Variants in LMAN1L observed in about 807,000 individuals in gnomAD.
The protein encoded by LMAN1L is protein ERGIC-53-like.
LMAN1L carries 60 observed loss-of-function variants against 58.3 expected under a neutral mutation model. The ratio of observed to expected loss-of-function variants is 1.03; its 90% CI spans 0.84 to 1.27. LMAN1L has a LOEUF of 1.27. LMAN1L is among the 50% of genes most tolerant of loss of function. The probability of loss-of-function intolerance (pLI) is 0.00; values close to 1 mark genes in which losing one functional copy is unlikely to be tolerated. For synonymous variants in LMAN1L, 280 were observed against 271.6 expected (o/e 1.03, Z -0.31); for missense variants, 629 against 674.0 (o/e 0.93, Z 0.74).
intron 10 of LMAN1L, 122 bp from the exon 11 acceptor site, chr15:74,822,520 G>A (rs2063921659): frequency 1.4e-6 from 1 of 713,296 alleles, no homozygotes; most frequent in Non-Finnish European, 2.4e-6. Context: ...GTCCAAATAA[G>A]GAGGCCCTGG....
chr15:74,821,279 C>T (rs1276319302), intron 9 of LMAN1L, 53 bp downstream of exon 9: 9 of 1,534,622 alleles, frequency 5.9e-6, no homozygotes, highest in Middle Eastern at 2.3e-4. Context: ...GAAAGAGGAG[C>T]AAGCACTGTA....
intron 4 of LMAN1L, 146 bp downstream of exon 4, chr15:74,816,836 C>A: frequency 1.4e-6 from 1 of 738,040 alleles, no homozygotes; most frequent in Non-Finnish European, 2.2e-6. Flanking sequence ...CTCACTTAGC[C>A]GACGTCCGCC....
At chr15:74,815,723 C>T (rs2063887434) in intron 1 of LMAN1L, among the ~76,000 whole-genome samples, 1 of 152,202 alleles carries the variant, frequency 6.6e-6, no homozygotes, top group South Asian at 2.1e-4. Flanking sequence ...CAGGCACTTC[C>T]TTTTTTGTCA....
chr15:74,819,835 G>A, intron 6 of LMAN1L: 1 of 620,082 alleles, frequency 1.6e-6, no homozygotes, highest in Non-Finnish European at 2.9e-6. Context: ...GCCTGCCTCT[G>A]ACTGAGTGTG....
intron 6 of LMAN1L, 130 bp from the exon 7 acceptor site, chr15:74,819,914 C>G (rs538428714): frequency 3.4e-5 from 28 of 826,726 alleles, no homozygotes; most frequent in African/African-American, 3.3e-4. Context: ...GTAAGCAAGA[C>G]AAGCATCAGA....
At chr15:74,823,975 G>T (rs1485682886) in intron 12 of LMAN1L, 4 of 509,244 alleles carry the variant, frequency 7.9e-6, no homozygotes, top group South Asian at 7.8e-5. Flanking sequence ...GGGGAAACAG[G>T]GTGGGCTGTG....
In LMAN1L at chr15:74,818,808, G is replaced by T. The variant is rs1207552505; in HGVS notation, c.588G>T (p.Gln196His). 1 of 1,608,596 alleles carries T rather than the reference G, an allele frequency of 6.2e-7. No individual in the cohort carries two copies. ...PFRARITYWG[Q>H]RLRMSLNSGL... ...GAGCACGGATCACCTACTGGGGGCAGAGGCTGCGCGTGAGTCACCCTTCCT... is the reference window on the plus strand; with the variant it reads ...GAGCACGGATCACCTACTGGGGGCATAGGCTGCGCGTGAGTCACCCTTCCT... Residue 196 changes from glutamine (Q) to histidine (H), a missense_variant, in exon 5 of 14, where the codon CAG becomes CAT. Transcript: ENST00000309664.
At chr15:74,813,319 T>A (rs1161826986) in intron 1 of LMAN1L, 1 of 548,858 alleles carries the variant, frequency 1.8e-6, no homozygotes, top group Non-Finnish European at 3.5e-6. Context: ...CCTCTACCTC[T>A]GACCTGTGAA....
chr15:74,815,160 C>CA (rs1453952716), intron 1 of LMAN1L, among the ~76,000 whole-genome samples: 1 of 152,266 alleles, frequency 6.6e-6, no homozygotes, highest in Non-Finnish European at 1.5e-5. Flanking sequence ...GTCTCACCCA[C>CA]AGGCCTTGTA....
At position 74,816,196 on chromosome 15, in the gene LMAN1L, C is replaced by A; in HGVS notation, c.215C>A (p.Ser72Tyr). Residue 72 changes from serine to tyrosine, a missense_variant, in exon 2 of 14, where the codon TCC (serine) becomes TAC (tyrosine). By Grantham distance (144) the Ser-to-Tyr change is moderately radical (BLOSUM62 -2). Transcript: ENST00000309664. ...LGLEEVRLTP[S>Y]MRNRSGAVWS... ...CTGGAGGAAGTGCGGCTGACGCCAT[C>A]CATGAGGAACCGGAGTGGCGCCGTG... The A allele has an allele frequency of 6.4e-7, 1 of 1,561,454 alleles. No homozygotes were observed. Among genetic ancestry groups the A allele is most frequent in the Non-Finnish European group, 8.7e-7 (1 of 1,153,344 alleles).
chr15:74,822,758 A>C, intron 11 of LMAN1L, 49 bp downstream of exon 11: 1 of 1,380,988 alleles, frequency 7.2e-7, no homozygotes, highest in Non-Finnish European at 1.0e-6. Flanking sequence ...CTCCGCCTTA[A>C]GTTCCTCCAT....
At chr15:74,816,046 G>A in intron 1 of LMAN1L, 111 bp from the exon 2 acceptor site, 1 of 1,315,380 alleles carries the variant, frequency 7.6e-7, no homozygotes, top group Admixed American at 2.4e-5. Flanking sequence ...TTAATGGTAG[G>A]CCTTGGCATT....
rs1246553183 is a variant in LMAN1L, at chr15:74,816,539, G to A, written c.438+5G>A. ...TCTCCGGCAGAGGATACTCAGGTGC[G>A]TAGTGGTCTCCTGCCTGCCAGCCCG... On this transcript the variant is annotated splice_donor_5th_base_variant and intron_variant, in intron 3 of 13. Coordinates refer to ENST00000309664, the MANE Select transcript of LMAN1L (RefSeq NM_021819.3). 1.9e-6 allele frequency: 3 copies of A among 1,571,588 alleles called. No individual in the cohort carries two copies. Among genetic ancestry groups the A allele is most frequent in the East Asian group, 2.2e-5 (1 of 44,504 alleles).
At chr15:74,822,227 G>A (rs553814227) in intron 10 of LMAN1L, among the ~76,000 whole-genome samples, 13 of 152,158 alleles carry the variant, frequency 8.5e-5, no homozygotes, top group Non-Finnish European at 1.8e-4. Flanking sequence ...TTAGCTGGGC[G>A]TGGTGGCATG....
rs191127849 is a variant in LMAN1L at position 74,816,752 on chromosome 15, C to A, written c.497+62C>A. ...TTTGCACTGGGAGGGGCCCATCCCC[C>A]CCATCCGAGCCCCTGCCCCAGCCTC... On this transcript the variant is annotated intron_variant, in intron 4 of 13. Transcript: ENST00000309664. 5,543 of 1,485,380 alleles carry A rather than the reference C, an allele frequency of 3.7e-3. 28 individuals are homozygous for A. Among genetic ancestry groups the A allele is most frequent in the Non-Finnish European group, 3.6e-3 (3,940 of 1,087,298 alleles). The allele number at this position is 1,485,380 out of a possible 1,614,324, so 92.0% of individuals were successfully genotyped here.
chr15:74,816,925 T>C (rs2063894346), intron 4 of LMAN1L, among the ~76,000 whole-genome samples: 1 of 152,120 alleles, frequency 6.6e-6, no homozygotes, highest in Non-Finnish European at 1.5e-5. Context: ...GTATCTTTGC[T>C]CCCATGATCT....
chr15:74,816,867 C>G (rs1394695563), intron 4 of LMAN1L, among the ~76,000 whole-genome samples, 177 bp downstream of exon 4: 2 of 152,202 alleles, frequency 1.3e-5, no homozygotes, highest in South Asian at 2.1e-4. Context: ...TTGATTCCTT[C>G]GACCCAGCAG....
At chr15:74,820,553 G>C (rs891873169) in intron 7 of LMAN1L, 82 bp from the exon 8 acceptor site, 4 of 1,574,936 alleles carry the variant, frequency 2.5e-6, no homozygotes, top group Non-Finnish European at 3.5e-6. Context: ...GGCTGGGCTC[G>C]TGGGGAAGCC....
chr15:74,813,334 C>G, intron 1 of LMAN1L: 1 of 523,266 alleles, frequency 1.9e-6, no homozygotes. Context: ...TGTGAACACA[C>G]AGACACATGC....
Sources: allele counts gnomAD v4.1 joint callset (sites outside exome capture counted in the v4.1 genomes callset), GRCh38; gene constraint gnomAD v4.1.1; transcripts MANE v1.5; gene names NCBI Gene and HGNC (gene_info 2026-07-23, HGNC 2026-07-21).